COL23A1: variants seen among roughly 807,000 people sequenced by gnomAD.
COL23A1 encodes collagen alpha-1(XXIII) chain.
COL23A1 carries 97 observed loss-of-function variants against 99.3 expected under a neutral mutation model. The ratio of observed to expected loss-of-function variants is 0.98; its 90% confidence interval spans 0.83 to 1.16. COL23A1 has a LOEUF of 1.16. COL23A1 is among the 50% of genes most tolerant of loss of function. COL23A1 has a pLI of 0.00. For missense variants in COL23A1, 762 were observed against 757.4 expected, an observed-to-expected ratio of 1.01 and a Z score of -0.07; for synonymous variants, 320 against 308.2, an observed-to-expected ratio of 1.04 and a Z score of -0.40.
At chr5:178,305,560 C>G (rs1276963937) in intron 3 of COL23A1, among the ~76,000 whole-genome samples, 1 of 152,186 alleles carries the variant, frequency 6.6e-6, no homozygotes, top group Non-Finnish European at 1.5e-5. Flanking sequence ...GGGGCGATAC[C>G]TCTTGGACAA....
intron 2 of COL23A1, among the ~76,000 whole-genome samples, chr5:178,463,385 C>A (rs1756231769): frequency 6.6e-6 from 1 of 152,172 alleles, no homozygotes; most frequent in Non-Finnish European, 1.5e-5. Flanking sequence ...GTATTCTCTT[C>A]CTGGGCTGAG....
chr5:178,341,418 C>T (rs1760652553), intron 2 of COL23A1, among the ~76,000 whole-genome samples: 1 of 152,212 alleles, frequency 6.6e-6, no homozygotes, highest in Admixed American at 6.5e-5. Flanking sequence ...CTCTCCCGGA[C>T]CCCTGCTCCA....
chr5:178,426,906 A>G (rs1432382709), intron 2 of COL23A1, among the ~76,000 whole-genome samples: 5 of 152,204 alleles, frequency 3.3e-5, no homozygotes, highest in Admixed American at 6.5e-5. Flanking sequence ...CAGATCCAAA[A>G]TAACGATGAG....
chr5:178,267,461 G>T, intron 7 of COL23A1, 128 bp from the exon 8 acceptor site: 1 of 916,266 alleles, frequency 1.1e-6, no homozygotes, highest in Non-Finnish European at 1.6e-6. Flanking sequence ...TAGCAGGCAG[G>T]CCCTATTTTT....
At chr5:178,416,081 A>C (rs1765291534) in intron 2 of COL23A1, among the ~76,000 whole-genome samples, 1 of 152,038 alleles carries the variant, frequency 6.6e-6, no homozygotes, top group Non-Finnish European at 1.5e-5. Context: ...CACTGAGTCT[A>C]AACCCTCCCA....
chr5:178,355,606 C>T (rs1761600276), intron 2 of COL23A1, among the ~76,000 whole-genome samples: 1 of 151,868 alleles, frequency 6.6e-6, no homozygotes, highest in Middle Eastern at 3.4e-3. Flanking sequence ...GATCTCGGCT[C>T]ACTGCAACCG....
chr5:178,475,999 C>T (rs1012475196), intron 2 of COL23A1, among the ~76,000 whole-genome samples: 12 of 152,322 alleles, frequency 7.9e-5, no homozygotes, highest in South Asian at 2.1e-4. Flanking sequence ...ATCCCCCTTT[C>T]GGCAAACTTG....
chr5:178,429,280 C>G (rs1400792168), intron 2 of COL23A1, among the ~76,000 whole-genome samples: 2 of 152,140 alleles, frequency 1.3e-5, no homozygotes, highest in Admixed American at 6.5e-5. Context: ...GCCCAGCACC[C>G]CACACCACAC....
rs917109185 is a variant in COL23A1, at chr5:178,405,567, C to T, written c.362-98648G>A. On this transcript the variant is annotated intron_variant, in intron 2 of 28. Transcript: ENST00000390654. ...GTATCACATACCCAAATGTGACATG[C>T]AATCGCACCTACTGTTGAAACTCTG... Among the ~76,000 whole-genome samples the T allele has an allele frequency of 2.0e-5, 3 of 152,186 alleles. No individual in the cohort carries two copies. The East Asian group carries it at 5.8e-4, about 29-fold the overall frequency.
intron 28 of COL23A1, 22 bp from the exon 29 acceptor site, chr5:178,238,722 G>A (rs1278202095): frequency 6.2e-7 from 1 of 1,611,220 alleles, no homozygotes; most frequent in Admixed American, 1.7e-5. Context: ...GGAAGAGACT[G>A]AAGGTGACGA....
chr5:178,297,047 C>T (rs1360793571), intron 3 of COL23A1, among the ~76,000 whole-genome samples: 2 of 152,268 alleles, frequency 1.3e-5, no homozygotes, highest in African/African-American at 4.8e-5. Flanking sequence ...TGGCCCAGTC[C>T]TTGCCAGTCT....
chr5:178,589,862 G>GAC lies in COL23A1; in HGVS notation c.294+40_294+41dup. 7.9e-7 allele frequency: 1 copy of GAC among 1,266,584 alleles called. No homozygotes were observed. The highest frequency in any genetic ancestry group is 3.2e-5 in the East Asian group (1 of 30,924). The allele number at this position is 1,266,584 out of a possible 1,614,324, so 78.5% of individuals were successfully genotyped here. ...CCCAGCGTACCGCCACCCTCAACCCGACACACCCAAGTCCGCCCCAGCCAC... is the reference window on the plus strand; with the variant it reads ...CCCAGCGTACCGCCACCCTCAACCCGACACACACCCAAGTCCGCCCCAGCCAC... On this transcript the variant is annotated intron_variant, in intron 1 of 28. Transcript: ENST00000390654. The surrounding 1 kb of genome is among the most constrained non-coding windows in gnomAD (Gnocchi z 5.4).
At chr5:178,575,951 A>C (rs1412355235) in intron 1 of COL23A1, among the ~76,000 whole-genome samples, 1 of 152,230 alleles carries the variant, frequency 6.6e-6, no homozygotes, top group Non-Finnish European at 1.5e-5. Context: ...CGAGCAAGTC[A>C]ATCCATTGAT....
intron 6 of COL23A1, among the ~76,000 whole-genome samples, chr5:178,269,138 G>A (rs1756077596): frequency 6.6e-6 from 1 of 152,032 alleles, no homozygotes; most frequent in Non-Finnish European, 1.5e-5. Flanking sequence ...TCTGGAATCT[G>A]AGAAGCAGGC....
Position 178,590,167 on chromosome 5 carries a change from C to T in COL23A1, c.31G>A (p.Gly11Ser), listed in dbSNP as rs2113782052. Residue 11 changes from glycine (G) to serine (S), a missense_variant, in exon 1 of 29, where the codon GGC becomes AGC. Transcript: ENST00000390654. This position sits in a 1 kb window ranked among gnomAD's most constrained non-coding sequence, Gnocchi z 5.7. The stretch of plus-strand genomic sequence containing the variant: ...GCCGCATTGCCCTTCCCCGCGTCGC[C>T]GCCGCCACCGGCGCGCTCGCCTGGG... The part of the protein sequence containing the change: MGPGERAGGG[G>S]DAGKGNAAGG... The T allele has an allele frequency of 1.1e-5, 13 of 1,221,894 alleles. No homozygotes were observed. Among genetic ancestry groups the T allele is most frequent in the Non-Finnish European group, 1.2e-5 (12 of 985,616 alleles). 75.7% of individuals were successfully genotyped at this position (1,221,894 alleles called of 1,614,324 possible).
chr5:178,565,675 ATTC>A (rs1412559707), intron 1 of COL23A1, among the ~76,000 whole-genome samples: 1 of 152,116 alleles, frequency 6.6e-6, no homozygotes, highest in African/African-American at 2.4e-5. Flanking sequence ...CGCGGCTGGG[ATTC>A]TTATTACACC....
At chr5:178,535,352 C>G (rs1160626043) in intron 2 of COL23A1, among the ~76,000 whole-genome samples, 1 of 152,240 alleles carries the variant, frequency 6.6e-6, no homozygotes, top group Non-Finnish European at 1.5e-5. Context: ...TCTACTCCAA[C>G]AGGCTGCCAA....
intron 1 of COL23A1, among the ~76,000 whole-genome samples, chr5:178,579,312 A>G (rs1298561764): frequency 1.3e-5 from 2 of 152,232 alleles, no homozygotes; most frequent in Non-Finnish European, 2.9e-5. Flanking sequence ...TAATTCTCAC[A>G]GAAACTTTGT....
chr5:178,247,620 C>A, intron 21 of COL23A1, 68 bp from the exon 22 acceptor site: 1 of 1,602,174 alleles, frequency 6.2e-7, no homozygotes, highest in East Asian at 2.2e-5. Context: ...TCACTGGCCC[C>A]TGGGGCCCTG....
Sources: gnomAD v4.1 joint callset for allele counts (sites outside exome capture counted in the v4.1 genomes callset) on GRCh38, gnomAD v4.1.1 for gene constraint, Gnocchi (gnomAD v3.1) non-coding constraint, MANE v1.5 for transcripts, NCBI Gene and HGNC (gene_info 2026-07-23, HGNC 2026-07-21) for gene names.